Variants in MAP3K15 observed in about 807,000 individuals in gnomAD.
MAP3K15 encodes mitogen-activated protein kinase kinase kinase 15, also known as MAPK/ERK kinase kinase 15.
In MAP3K15, 124 loss-of-function variants were observed where a neutral mutation model predicts 99.5. That is an observed-to-expected ratio of 1.25 (90% CI 1.08 to 1.45). MAP3K15 has a LOEUF of 1.45. Ranked by LOEUF, MAP3K15 falls within the 40% of genes most tolerant of loss-of-function variation. The pLI is 0.00. For synonymous variants in MAP3K15, 494 were observed against 439.6 expected, an observed-to-expected ratio of 1.12 and a Z score of -1.55; for missense variants, 1,242 against 1,079.7, an observed-to-expected ratio of 1.15 and a Z score of -2.11.
intron 9 of MAP3K15, among the ~76,000 whole-genome samples, chrX:19,422,906 T>C (rs2063798492): frequency 9.1e-6 from 1 of 110,011 alleles, no homozygotes; most frequent in African/African-American, 3.3e-5. Flanking sequence ...GAAACCATCA[T>C]TCTCAGCAAA....
chrX:19,402,606 C>T (rs1359520345), intron 13 of MAP3K15, among the ~76,000 whole-genome samples: 1 of 111,839 alleles, frequency 8.9e-6, no homozygotes, highest in Non-Finnish European at 1.9e-5. Flanking sequence ...TAAATTGGAA[C>T]ACAACGGAAT....
chrX:19,499,881 G>A (rs1487671109), intron 1 of MAP3K15, among the ~76,000 whole-genome samples: 1 of 112,292 alleles, frequency 8.9e-6, no homozygotes, highest in African/African-American at 3.2e-5. Flanking sequence ...GACAGGTTTA[G>A]TCATTTTTTA....
chrX:19,455,552 G>A (rs1320274672), intron 6 of MAP3K15, among the ~76,000 whole-genome samples: 1 of 84,865 alleles, frequency 1.2e-5, no homozygotes, highest in East Asian at 3.4e-4. Context: ...TAGAGACGGG[G>A]TTTTGCCATG....
intron 13 of MAP3K15, among the ~76,000 whole-genome samples, chrX:19,403,434 T>C (rs2063623245): frequency 9.2e-6 from 1 of 108,348 alleles, no homozygotes; most frequent in African/African-American, 3.4e-5. Context: ...GATCCAATGA[T>C]TCCCTAGTCT....
At chrX:19,422,831 T>A (rs1387312686) in intron 9 of MAP3K15, among the ~76,000 whole-genome samples, 1 of 111,434 alleles carries the variant, frequency 9.0e-6, no homozygotes, top group African/African-American at 3.3e-5. Flanking sequence ...ATATACACCA[T>A]GGAATACTAT....
intron 5 of MAP3K15, among the ~76,000 whole-genome samples, chrX:19,459,227 T>TG (rs1450957536): frequency 8.9e-6 from 1 of 111,939 alleles, no homozygotes; most frequent in Middle Eastern, 4.2e-3. Flanking sequence ...AACCAACTGC[T>TG]GTGTGACCTC....
chrX:19,461,703 A>C (rs1354462542), intron 4 of MAP3K15, among the ~76,000 whole-genome samples: 1 of 111,214 alleles, frequency 9.0e-6, no homozygotes, highest in African/African-American at 3.3e-5. Context: ...TAAGAAGCTG[A>C]AATGGGGCCA....
rs1004400487 is a variant in MAP3K15 at position 19,395,217 on chromosome X, A to G, written c.2067-9T>C. ...GCAGAGGCTGAGAATACCTATTGGG[A>G]AAAACAGAGCCAGGGTCACCTGCCA... On this transcript the variant is annotated splice_polypyrimidine_tract_variant and intron_variant, in intron 15 of 28. Transcript: ENST00000338883. 5.0e-6 allele frequency: 6 copies of G among 1,199,701 alleles called. No individual in the cohort carries two copies. The highest frequency in any genetic ancestry group is 6.7e-6 in the Non-Finnish European group (6 of 888,946).
chrX:19,480,069 G>A (rs1182040615), intron 3 of MAP3K15, among the ~76,000 whole-genome samples: 2 of 112,005 alleles, frequency 1.8e-5, no homozygotes, highest in African/African-American at 6.5e-5. Context: ...AGGAGTAAGT[G>A]TAACCAAGAA....
intron 6 of MAP3K15, among the ~76,000 whole-genome samples, chrX:19,442,322 G>A (rs1014793426): frequency 2.7e-5 from 3 of 111,246 alleles, no homozygotes; most frequent in African/African-American, 9.8e-5. Context: ...ATATTTTTCT[G>A]TATACAATGA....
intron 3 of MAP3K15, among the ~76,000 whole-genome samples, chrX:19,476,716 C>T (rs570891040): frequency 4.5e-5 from 5 of 112,107 alleles, no homozygotes; most frequent in South Asian, 7.4e-4. Context: ...AATCAGGATA[C>T]GGTGCCACTT....
At chrX:19,418,778 A>G (rs1238850932) in intron 9 of MAP3K15, among the ~76,000 whole-genome samples, 2 of 111,823 alleles carry the variant, frequency 1.8e-5, no homozygotes, top group Non-Finnish European at 3.8e-5. Context: ...ATGTTAAGGG[A>G]AGCCAGAGAG....
intron 18 of MAP3K15, among the ~76,000 whole-genome samples, chrX:19,390,303 C>CTTTTTTTTTTTT (rs869140702): frequency 2.9e-5 from 2 of 69,395 alleles, no homozygotes; most frequent in Non-Finnish European, 5.1e-5. Flanking sequence ...CTAATTTTTT[C>CTTTTTTTTTTTT]TTTTTTTTTT....
intron 6 of MAP3K15, among the ~76,000 whole-genome samples, chrX:19,449,243 T>C (rs1327828226): frequency 2.7e-5 from 3 of 110,341 alleles, no homozygotes; most frequent in Non-Finnish European, 3.8e-5. Context: ...TATCAAACTT[T>C]TATGAACTGC....
At chrX:19,361,009 G>C (rs1438565162) in intron 28 of MAP3K15, 176 bp from the exon 29 acceptor site, 7 of 425,424 alleles carry the variant, frequency 1.6e-5, no homozygotes, top group Non-Finnish European at 2.4e-5. Context: ...CCTGCAGAGA[G>C]CTGGCTATTT....
intron 6 of MAP3K15, among the ~76,000 whole-genome samples, chrX:19,439,961 C>T (rs148186824): frequency 0.011 from 1,265 of 111,758 alleles, 17 homozygotes; most frequent in African/African-American, 0.04. Flanking sequence ...TGACAGCAAC[C>T]GGTGGGAGGC....
intron 1 of MAP3K15, among the ~76,000 whole-genome samples, chrX:19,504,367 G>C (rs1018659582): frequency 9.0e-6 from 1 of 110,755 alleles, no homozygotes; most frequent in Non-Finnish European, 1.9e-5. Context: ...GATGCTTGCT[G>C]CTGCTGCTCA....
intron 26 of MAP3K15, among the ~76,000 whole-genome samples, chrX:19,362,443 C>T (rs186178754): frequency 8.8e-4 from 96 of 109,680 alleles, no homozygotes; most frequent in African/African-American, 3.1e-3. Flanking sequence ...CCATGTTGAC[C>T]AGGCTGGTCC....
At chrX:19,472,444 T>A (rs991186204) in intron 3 of MAP3K15, among the ~76,000 whole-genome samples, 1 of 111,179 alleles carries the variant, frequency 9.0e-6, no homozygotes, top group Non-Finnish European at 1.9e-5. Flanking sequence ...CAGAAAATGA[T>A]GTTTATAATC....
Sources: gnomAD v4.1 joint callset for allele counts (sites outside exome capture counted in the v4.1 genomes callset) on GRCh38, gnomAD v4.1.1 for gene constraint, MANE v1.5 for transcripts, NCBI Gene and HGNC (gene_info 2026-07-23, HGNC 2026-07-21) for gene names.